The following BEND7 variants were observed in gnomAD, a reference collection of about 807,000 sequenced individuals.
BEND7 encodes BEN domain-containing protein 7.
A neutral mutation model predicts 50.9 loss-of-function variants in BEND7; 28 were observed. That is an observed-to-expected ratio of 0.55 (90% CI 0.41 to 0.75). The LOEUF is 0.75. Among genes scored for constraint, BEND7 ranks in the 30% least tolerant of loss-of-function variants. BEND7 has a pLI of 0.00. For missense variants in BEND7, 477 were observed against 491.3 expected (o/e 0.97, Z 0.28); for synonymous variants, 170 against 183.9 (o/e 0.92, Z 0.61).
At chr10:13,489,118 T>C (rs1374882088) in intron 5 of BEND7, among the ~76,000 whole-genome samples, 1 of 152,150 alleles carries the variant, frequency 6.6e-6, no homozygotes, top group Non-Finnish European at 1.5e-5. Context: ...TTCATCTAAT[T>C]CCTCCAATGG....
intron 7 of BEND7, among the ~76,000 whole-genome samples, chr10:13,451,421 T>G (rs896451284): frequency 6.6e-6 from 1 of 151,100 alleles, no homozygotes; most frequent in African/African-American, 2.4e-5. Context: ...AGATAGGGTC[T>G]CCACAAAACA....
At chr10:13,452,419 T>G in intron 7 of BEND7, 120 bp downstream of exon 7, 1 of 1,119,094 alleles carries the variant, frequency 8.9e-7, no homozygotes, top group Non-Finnish European at 1.3e-6. Context: ...CAGCATATTA[T>G]AAACAGTCTC....
intron 6 of BEND7, among the ~76,000 whole-genome samples, chr10:13,463,598 T>A (rs1278072692): frequency 6.6e-6 from 1 of 151,918 alleles, no homozygotes; most frequent in Non-Finnish European, 1.5e-5. Flanking sequence ...AAATTCCAGA[T>A]GGATTAAAGA....
At position 13,441,535 on chromosome 10, in the gene BEND7, A is replaced by T; in HGVS notation, c.*208T>A. ...CCGCCTTGGAAGGCAGTGCTTCTGA[A>T]GGTTCCCAGCAGATCTCTTAACAGA... On this transcript the variant is annotated 3_prime_UTR_variant, in exon 9 of 9. Transcript: ENST00000466271. 3 of 1,393,986 alleles carry T rather than the reference A, an allele frequency of 2.2e-6. No individual in the cohort carries two copies. Among genetic ancestry groups the T allele is most frequent in the Non-Finnish European group, 2.8e-6 (3 of 1,075,200 alleles). The allele number at this position is 1,393,986 out of a possible 1,614,324, so 86.4% of individuals were successfully genotyped here. A position where few individuals can be genotyped will look rare whatever the true frequency, so the allele number is the denominator to read the frequency against.
At chr10:13,465,027 A>C (rs2074090298) in intron 6 of BEND7, among the ~76,000 whole-genome samples, 2 of 152,248 alleles carry the variant, frequency 1.3e-5, no homozygotes, top group South Asian at 4.1e-4. Context: ...TTTTTAAAAT[A>C]ACAATGTCCA....
intron 2 of BEND7, among the ~76,000 whole-genome samples, chr10:13,521,899 G>C (rs1441259967): frequency 6.6e-6 from 1 of 152,196 alleles, no homozygotes; most frequent in Non-Finnish European, 1.5e-5. Flanking sequence ...AAGTGCAGAG[G>C]AATTGTTCGA....
At chr10:13,489,575 T>A (rs1174307811) in intron 5 of BEND7, among the ~76,000 whole-genome samples, 2 of 152,186 alleles carry the variant, frequency 1.3e-5, no homozygotes, top group African/African-American at 2.4e-5. Context: ...ATTATTATTA[T>A]TAATCACAGT....
chr10:13,461,087 A>G (rs1194390560), intron 6 of BEND7, among the ~76,000 whole-genome samples: 2 of 152,232 alleles, frequency 1.3e-5, no homozygotes, highest in Non-Finnish European at 2.9e-5. Flanking sequence ...GTAGCGGGGA[A>G]AGCTTTCAGA....
chr10:13,478,553 G>C (rs2075627228), intron 6 of BEND7, among the ~76,000 whole-genome samples: 1 of 151,870 alleles, frequency 6.6e-6, no homozygotes, highest in Admixed American at 6.6e-5. Flanking sequence ...AGTCAAATCT[G>C]ATACCACATT....
At chr10:13,468,579 G>C (rs1421801420) in intron 6 of BEND7, among the ~76,000 whole-genome samples, 3 of 152,170 alleles carry the variant, frequency 2.0e-5, no homozygotes, top group Non-Finnish European at 2.9e-5. Context: ...GGTGTTACTA[G>C]GCTGTTAGGA....
intron 6 of BEND7, among the ~76,000 whole-genome samples, chr10:13,464,434 GA>G (rs1434495648): frequency 6.6e-6 from 1 of 152,194 alleles, no homozygotes; most frequent in African/African-American, 2.4e-5. Context: ...TGTGGCCACA[GA>G]TCTGTAAGCA....
intron 6 of BEND7, among the ~76,000 whole-genome samples, chr10:13,474,203 T>TA (rs2075212013): frequency 6.6e-6 from 1 of 152,082 alleles, no homozygotes; most frequent in South Asian, 2.1e-4. Context: ...TCATCGCTGT[T>TA]AGACTCGGGG....
chr10:13,524,552 G>A (rs1204684785), intron 2 of BEND7, among the ~76,000 whole-genome samples: 1 of 150,838 alleles, frequency 6.6e-6, no homozygotes, highest in Non-Finnish European at 1.5e-5. Flanking sequence ...GCTGAGGCAG[G>A]AGAATCGCCT....
intron 5 of BEND7, among the ~76,000 whole-genome samples, chr10:13,482,933 A>G (rs2075973535): frequency 6.6e-6 from 1 of 152,236 alleles, no homozygotes; most frequent in Non-Finnish European, 1.5e-5. Flanking sequence ...ATCATAATCT[A>G]AGATGAAGTT....
intron 6 of BEND7, among the ~76,000 whole-genome samples, chr10:13,468,347 G>C (rs116314444): frequency 0.014 from 2,102 of 152,244 alleles, 50 homozygotes; most frequent in African/African-American, 0.048. Context: ...GGGGAGAGAA[G>C]GGCACCACGG....
chr10:13,472,006 C>T (rs568389448), intron 6 of BEND7, among the ~76,000 whole-genome samples: 2 of 151,584 alleles, frequency 1.3e-5, no homozygotes, highest in Non-Finnish European at 2.9e-5. Flanking sequence ...GGGTCGATAC[C>T]CGTCACCACT....
chr10:13,491,453 C>T (rs1292619516), intron 5 of BEND7, among the ~76,000 whole-genome samples: 1 of 151,356 alleles, frequency 6.6e-6, no homozygotes, highest in Non-Finnish European at 1.5e-5. Flanking sequence ...AATATGATAT[C>T]ATTGCATGAG....
At chr10:13,485,679 G>A (rs2076177173) in intron 5 of BEND7, among the ~76,000 whole-genome samples, 1 of 152,124 alleles carries the variant, frequency 6.6e-6, no homozygotes, top group African/African-American at 2.4e-5. Context: ...TTATTTCGTA[G>A]TATATTAGAT....
intron 2 of BEND7, among the ~76,000 whole-genome samples, chr10:13,520,502 C>A (rs996585137): frequency 6.6e-6 from 1 of 151,972 alleles, no homozygotes; most frequent in African/African-American, 2.4e-5. Flanking sequence ...TGATTCTAGG[C>A]CCATGACAAG....
Sources: allele counts gnomAD v4.1 joint callset (sites outside exome capture counted in the v4.1 genomes callset), GRCh38; gene constraint gnomAD v4.1.1; transcripts MANE v1.5; gene names NCBI Gene and HGNC (gene_info 2026-07-23, HGNC 2026-07-21).